The following TNNI3K variants were observed in gnomAD, a reference collection of about 807,000 sequenced individuals.
TNNI3K encodes serine/threonine-protein kinase TNNI3K.
In TNNI3K, 140 loss-of-function variants were observed where a neutral mutation model predicts 114.5. The ratio of observed to expected loss-of-function variants is 1.22; its 90% confidence interval spans 1.07 to 1.41. The LOEUF is 1.41. Ranked by LOEUF, TNNI3K falls within the 40% of genes most tolerant of loss-of-function variation. TNNI3K has a pLI of 0.00. For missense variants in TNNI3K, 1,125 were observed against 1,007.6 expected, an observed-to-expected ratio of 1.12 and a Z score of -1.58; for synonymous variants, 347 against 347.5, an observed-to-expected ratio of 1.00 and a Z score of 0.02.
chr1:74,479,765 A>G (rs1275925047), intron 21 of TNNI3K, among the ~76,000 whole-genome samples: 1 of 152,250 alleles, frequency 6.6e-6, no homozygotes, highest in Non-Finnish European at 1.5e-5. Context: ...GTTTTTAAAT[A>G]TCTATCTCCT....
At chr1:74,346,874 CCTCT>C (rs1272212846) in intron 9 of TNNI3K, among the ~76,000 whole-genome samples, 2 of 151,736 alleles carry the variant, frequency 1.3e-5, no homozygotes, top group Non-Finnish European at 2.9e-5. Context: ...CACATGGCTG[CCTCT>C]CTGTCAATGT....
chr1:74,384,542 A>T (rs1215276502), intron 17 of TNNI3K, among the ~76,000 whole-genome samples: 1 of 152,178 alleles, frequency 6.6e-6, no homozygotes, highest in Non-Finnish European at 1.5e-5. Flanking sequence ...AAATCAATTG[A>T]TTTTCCTTCT....
At chr1:74,347,052 A>G (rs1661040737) in intron 9 of TNNI3K, among the ~76,000 whole-genome samples, 1 of 151,884 alleles carries the variant, frequency 6.6e-6, no homozygotes, top group South Asian at 2.1e-4. Flanking sequence ...CACAACGGGC[A>G]GGTTTGTTAC....
chr1:74,522,128 A>G (rs1646441534), intron 23 of TNNI3K, among the ~76,000 whole-genome samples: 2 of 152,164 alleles, frequency 1.3e-5, no homozygotes, highest in African/African-American at 4.8e-5. Flanking sequence ...TTTAAAAAAA[A>G]TCTGGTTCAG....
intron 5 of TNNI3K, among the ~76,000 whole-genome samples, chr1:74,315,767 A>G (rs1659272391): frequency 6.6e-6 from 1 of 152,110 alleles, no homozygotes; most frequent in Non-Finnish European, 1.5e-5. Flanking sequence ...AGTTCATGCT[A>G]TCTGTTTAGA....
At chr1:74,522,517 T>C (rs930804313) in intron 23 of TNNI3K, among the ~76,000 whole-genome samples, 1 of 152,088 alleles carries the variant, frequency 6.6e-6, no homozygotes, top group Non-Finnish European at 1.5e-5. Flanking sequence ...CCACGCAGTA[T>C]AGAAGACCTA....
At chr1:74,360,384 C>A (rs1661896671) in intron 11 of TNNI3K, among the ~76,000 whole-genome samples, 1 of 152,022 alleles carries the variant, frequency 6.6e-6, no homozygotes, top group African/African-American at 2.4e-5. Flanking sequence ...TCCTCTTACT[C>A]CTGTTACATG....
chr1:74,274,640 A>C (rs1264258133), intron 5 of TNNI3K, among the ~76,000 whole-genome samples: 1 of 152,128 alleles, frequency 6.6e-6, no homozygotes, highest in Non-Finnish European at 1.5e-5. Context: ...CAATATAGTT[A>C]TAAGTAAGGA....
intron 1 of TNNI3K, 124 bp from the exon 2 acceptor site, chr1:74,235,978 A>C: frequency 1.4e-5 from 8 of 566,066 alleles, no homozygotes; most frequent in Non-Finnish European, 2.1e-5. Context: ...CACAATCAGT[A>C]ATTTAAATTA....
At chr1:74,373,026 C>A (rs930896381) in intron 17 of TNNI3K, 1 of 151,932 alleles carries the variant, frequency 6.6e-6, no homozygotes, top group African/African-American at 2.4e-5. Flanking sequence ...AGACTATTTT[C>A]TATCAATCTT....
intron 20 of TNNI3K, among the ~76,000 whole-genome samples, chr1:74,455,811 G>A (rs1307499812): frequency 6.6e-6 from 1 of 152,144 alleles, no homozygotes; most frequent in East Asian, 1.9e-4. Context: ...ATTGGATGAT[G>A]CCTGCCCACA....
chr1:74,372,120 T>G (rs989185871), intron 17 of TNNI3K: 4 of 150,032 alleles, frequency 2.7e-5, no homozygotes, highest in Non-Finnish European at 5.9e-5. Context: ...AAAAAGCAGT[T>G]TTTAAGTTGT....
chr1:74,436,240 A>G, intron 18 of TNNI3K, 108 bp downstream of exon 18: 8 of 1,361,348 alleles, frequency 5.9e-6, no homozygotes, highest in Non-Finnish European at 8.2e-6. Flanking sequence ...CAGCTATACT[A>G]CACTGAACAC....
chr1:74,415,751 C>A (rs1665087594), intron 17 of TNNI3K, among the ~76,000 whole-genome samples: 2 of 150,112 alleles, frequency 1.3e-5, no homozygotes, highest in Admixed American at 1.3e-4. Context: ...TTTTTTTCCC[C>A]AGTGATTTGA....
At chr1:74,384,018 G>A (rs1663344166) in intron 17 of TNNI3K, among the ~76,000 whole-genome samples, 1 of 152,036 alleles carries the variant, frequency 6.6e-6, no homozygotes, top group African/African-American at 2.4e-5. Flanking sequence ...AACAGGAACA[G>A]TAGTCAGATA....
At chr1:74,260,637 G>A (rs1655607330) in intron 4 of TNNI3K, among the ~76,000 whole-genome samples, 2 of 151,932 alleles carry the variant, frequency 1.3e-5, no homozygotes, top group South Asian at 4.2e-4. Flanking sequence ...TATTGTTGTT[G>A]AACTCTAACT....
intron 5 of TNNI3K, among the ~76,000 whole-genome samples, chr1:74,283,079 A>G (rs1179268840): frequency 2.0e-5 from 3 of 152,186 alleles, no homozygotes; most frequent in East Asian, 1.9e-4. Flanking sequence ...CAGTTCCACA[A>G]TGCCAAAACT....
chr1:74,256,502 TTATC>T (rs1464885965), intron 4 of TNNI3K, among the ~76,000 whole-genome samples: 18 of 152,020 alleles, frequency 1.2e-4, no homozygotes, highest in African/African-American at 1.4e-4. Context: ...TGAGGGAACT[TTATC>T]TATTCTAATA....
At chr1:74,417,240 C>T (rs1288081788) in intron 17 of TNNI3K, among the ~76,000 whole-genome samples, 1 of 152,002 alleles carries the variant, frequency 6.6e-6, no homozygotes. Flanking sequence ...CTGCTCAGAT[C>T]TCCTGTAGAC....
Sources: gnomAD v4.1 joint callset for allele counts (sites outside exome capture counted in the v4.1 genomes callset) on GRCh38, gnomAD v4.1.1 for gene constraint, MANE v1.5 for transcripts, NCBI Gene and HGNC (gene_info 2026-07-23, HGNC 2026-07-21) for gene names.